The following DPF3 variants were observed in gnomAD, a reference collection of about 807,000 sequenced individuals.
The protein encoded by DPF3 is double PHD fingers 3.
DPF3 carries 18 observed loss-of-function variants against 56.8 expected under a neutral mutation model. The observed-to-expected ratio is 0.32, with a 90% CI of 0.22 to 0.47. DPF3 has a LOEUF of 0.47. DPF3 is among the 20% of genes least tolerant of loss of function. DPF3 has a pLI of 1.00. For synonymous variants in DPF3, 188 were observed against 180.2 expected (o/e 1.04, Z -0.35); for missense variants, 403 against 488.8 (o/e 0.82, Z 1.65).
chr14:72,801,547 C>T (rs1482746054), intron 1 of DPF3, among the ~76,000 whole-genome samples: 3 of 152,304 alleles, frequency 2.0e-5, no homozygotes, highest in East Asian at 3.9e-4. Context: ...AACTGCATAT[C>T]GTTCATGCCC....
At chr14:72,764,310 TG>T (rs1190875030) in intron 2 of DPF3, among the ~76,000 whole-genome samples, 1 of 152,108 alleles carries the variant, frequency 6.6e-6, no homozygotes, top group African/African-American at 2.4e-5. Flanking sequence ...CAGAGATCTT[TG>T]GGTTGATGAA....
chr14:72,840,290 C>T (rs1012823202), intron 1 of DPF3, among the ~76,000 whole-genome samples: 1 of 152,140 alleles, frequency 6.6e-6, no homozygotes. Flanking sequence ...TTACTAGAAC[C>T]ACTCTAGTTT....
At chr14:72,876,896 T>C (rs935423074) in intron 1 of DPF3, among the ~76,000 whole-genome samples, 5 of 152,250 alleles carry the variant, frequency 3.3e-5, no homozygotes, top group Admixed American at 6.5e-5. Context: ...CAGGAATGCA[T>C]GCTCTGCTGC....
At chr14:72,810,609 A>AG (rs1882999953) in intron 1 of DPF3, among the ~76,000 whole-genome samples, 3 of 9,004 alleles carry the variant, frequency 3.3e-4, no homozygotes, top group African/African-American at 2.1e-3. Context: ...GAAAGGGAAA[A>AG]GAATAACTCT....
intron 1 of DPF3, among the ~76,000 whole-genome samples, chr14:72,824,731 C>A (rs1413363574): frequency 2.6e-5 from 4 of 152,032 alleles, no homozygotes; most frequent in South Asian, 2.1e-4. Flanking sequence ...GCCATCACCC[C>A]TGGCTAATTT....
At chr14:72,785,691 A>G (rs1020306007) in intron 1 of DPF3, among the ~76,000 whole-genome samples, 4 of 152,192 alleles carry the variant, frequency 2.6e-5, no homozygotes, top group Non-Finnish European at 4.4e-5. Context: ...AAACCTTCTT[A>G]TCACAGAGCC....
intron 2 of DPF3, among the ~76,000 whole-genome samples, chr14:72,755,081 C>A (rs962628683): frequency 6.6e-6 from 1 of 152,232 alleles, no homozygotes; most frequent in Non-Finnish European, 1.5e-5. Context: ...GGCCAGAGCC[C>A]CCTGCACCCC....
intron 1 of DPF3, among the ~76,000 whole-genome samples, chr14:72,803,055 T>C (rs1375415226): frequency 2.0e-5 from 3 of 152,226 alleles, no homozygotes; most frequent in African/African-American, 7.2e-5. Flanking sequence ...CCCAGTTAAA[T>C]GCAAGTGTCA....
At chr14:72,812,402 A>G (rs1883089775) in intron 1 of DPF3, among the ~76,000 whole-genome samples, 1 of 152,112 alleles carries the variant, frequency 6.6e-6, no homozygotes, top group Non-Finnish European at 1.5e-5. Flanking sequence ...AAACCCGCTA[A>G]TGTGCTAAGC....
chr14:72,764,723 C>T (rs1367996935), intron 2 of DPF3, among the ~76,000 whole-genome samples: 4 of 151,990 alleles, frequency 2.6e-5, no homozygotes, highest in East Asian at 1.9e-4. Flanking sequence ...GATCTTCTGA[C>T]CTCATGATCC....
chr14:72,697,198 CTTCAA>C (rs1421137605), intron 6 of DPF3, among the ~76,000 whole-genome samples: 1 of 152,162 alleles, frequency 6.6e-6, no homozygotes, highest in Non-Finnish European at 1.5e-5. Context: ...ATCACCAGGT[CTTCAA>C]TTCAAGAAAT....
At chr14:72,631,836 G>T (rs541868296) in intron 8 of DPF3, among the ~76,000 whole-genome samples, 1 of 152,190 alleles carries the variant, frequency 6.6e-6, no homozygotes, top group Non-Finnish European at 1.5e-5. Context: ...ATAATTGGCC[G>T]TAAAAACACA....
At chr14:72,804,434 AAAC>A (rs1272201402) in intron 1 of DPF3, among the ~76,000 whole-genome samples, 5 of 152,160 alleles carry the variant, frequency 3.3e-5, no homozygotes, top group South Asian at 2.1e-4. Flanking sequence ...ACAACAACAA[AAAC>A]AACAACAATC....
At chr14:72,746,825 A>G (rs1179802851) in intron 3 of DPF3, among the ~76,000 whole-genome samples, 1 of 152,248 alleles carries the variant, frequency 6.6e-6, no homozygotes, top group Non-Finnish European at 1.5e-5. Context: ...GATCACAGAT[A>G]CAAGACGCCA....
rs1343022077 is a variant in DPF3, at chr14:72,612,624, G to A, written c.*6673C>T. ...GGGAGAGGGCAGGAGGAGAATCAGG[G>A]TCTCAGTGGGGAGTAGACATGGAAG... is the stretch of plus-strand genomic sequence containing the variant. On this transcript the variant is annotated 3_prime_UTR_variant, in exon 11 of 11. Coordinates refer to ENST00000556509, the MANE Select transcript of DPF3 (RefSeq NM_001280542.3). 1 of 518,880 alleles carries A rather than the reference G, an allele frequency of 1.9e-6. No individual in the cohort carries two copies. Among genetic ancestry groups the A allele is most frequent in the Non-Finnish European group, 3.8e-6 (1 of 259,842 alleles). 32.1% of individuals were successfully genotyped at this position (518,880 alleles called of 1,614,324 possible). A position where few individuals can be genotyped will look rare whatever the true frequency, so the allele number is the denominator to read the frequency against.
chr14:72,794,706 C>A (rs1166976352), intron 1 of DPF3, among the ~76,000 whole-genome samples: 1 of 152,150 alleles, frequency 6.6e-6, no homozygotes, highest in African/African-American at 2.4e-5. Flanking sequence ...TCTATTGCTG[C>A]TGAGACAAAT....
chr14:72,776,041 A>G (rs1042445022), intron 1 of DPF3, among the ~76,000 whole-genome samples: 11 of 151,924 alleles, frequency 7.2e-5, no homozygotes, highest in African/African-American at 2.7e-4. Flanking sequence ...CATTTACATT[A>G]AAGTTGAAGG....
At chr14:72,680,170 G>A (rs1192985574) in intron 7 of DPF3, among the ~76,000 whole-genome samples, 1 of 152,176 alleles carries the variant, frequency 6.6e-6, no homozygotes, top group African/African-American at 2.4e-5. Flanking sequence ...CATCAAAGCC[G>A]GGATAAATGG....
intron 1 of DPF3, among the ~76,000 whole-genome samples, chr14:72,841,939 A>G (rs1884558880): frequency 6.6e-6 from 1 of 152,028 alleles, no homozygotes; most frequent in South Asian, 2.1e-4. Context: ...TTTTTTTGTA[A>G]TTAGCTGGGT....
Sources: allele counts gnomAD v4.1 joint callset (sites outside exome capture counted in the v4.1 genomes callset), GRCh38; gene constraint gnomAD v4.1.1; transcripts MANE v1.5; gene names NCBI Gene and HGNC (gene_info 2026-07-23, HGNC 2026-07-21).